Variants in PPP6R2 observed in about 807,000 individuals in gnomAD.
PPP6R2 encodes protein phosphatase 6 regulatory subunit 2.
PPP6R2 carries 62 observed loss-of-function variants against 100.2 expected under a neutral mutation model. The observed-to-expected ratio is 0.62, with a 90% CI of 0.50 to 0.76. The LOEUF (loss-of-function observed/expected upper bound fraction) is 0.76, where lower values mean the gene tolerates loss of function less well. Among genes scored for constraint, PPP6R2 ranks in the 30% least tolerant of loss-of-function variants. The probability of loss-of-function intolerance (pLI) is 0.00; values close to 1 mark genes in which losing one functional copy is unlikely to be tolerated. For missense variants in PPP6R2, 1,142 were observed against 1,276.3 expected, an observed-to-expected ratio of 0.89 and a Z score of 1.60; for synonymous variants, 525 against 514.7, an observed-to-expected ratio of 1.02 and a Z score of -0.27.
Position 50,437,918 on chromosome 22 carries a change from T to G in PPP6R2, c.1839+18T>G. On this transcript the variant is annotated intron_variant, in intron 17 of 23. Transcript: ENST00000612753. Reference sequence around the variant, plus strand: ...AGGACAGTGTGAGCAAGCCGGGCTGTGTGGGGTGCCGCCACCCTTTTCCCA... The same window carrying G: ...AGGACAGTGTGAGCAAGCCGGGCTGGGTGGGGTGCCGCCACCCTTTTCCCA... 1 of 1,560,234 alleles carries G rather than the reference T, an allele frequency of 6.4e-7. No homozygotes were observed. Among genetic ancestry groups the G allele is most frequent in the Non-Finnish European group, 8.7e-7 (1 of 1,152,380 alleles).
the PPP6R2 span, among the ~76,000 whole-genome samples, chr22:50,337,888 G>C: frequency 2.2e-5 from 3 of 136,864 alleles, no homozygotes; most frequent in African/African-American, 8.2e-5. Context: ...TGTGGTGTGT[G>C]GTGTGTGTGG....
chr22:50,378,180 C>A (rs1426923670), intron 2 of PPP6R2, among the ~76,000 whole-genome samples: 4 of 152,196 alleles, frequency 2.6e-5, no homozygotes, highest in African/African-American at 9.6e-5. Flanking sequence ...TGGCTGACTT[C>A]TTAAGTGCCA....
chr22:50,370,131 G>A (rs939181664), intron 1 of PPP6R2, among the ~76,000 whole-genome samples: 17 of 146,480 alleles, frequency 1.2e-4, no homozygotes, highest in African/African-American at 3.2e-4. Context: ...ACCTAACTTC[G>A]ACAGTGATCG....
chr22:50,425,193 T>G (rs1296489264), intron 10 of PPP6R2, among the ~76,000 whole-genome samples: 1 of 152,234 alleles, frequency 6.6e-6, no homozygotes, highest in East Asian at 1.9e-4. Flanking sequence ...CAACCACCAT[T>G]GTCTTTGTCT....
chr22:50,419,474 G>C lies in PPP6R2; in HGVS notation c.845+12G>C. 1 of 1,596,024 alleles carries C rather than the reference G, an allele frequency of 6.3e-7. No individual in the cohort carries two copies. Among genetic ancestry groups the C allele is most frequent in the Non-Finnish European group, 8.6e-7 (1 of 1,164,104 alleles). ...ACCAGGCGGGTTGGGTGAGTCTCACGAGGAGAAATCGTGTAGAGCTGAACT... is the reference window on the plus strand; with the variant it reads ...ACCAGGCGGGTTGGGTGAGTCTCACCAGGAGAAATCGTGTAGAGCTGAACT... On this transcript the variant is annotated intron_variant, in intron 8 of 23. Coordinates refer to ENST00000612753, the MANE Select transcript of PPP6R2 (RefSeq NM_001242898.2).
At chr22:50,338,960 G>A (rs1243568369), upstream of PPP6R2, among the ~76,000 whole-genome samples, 1 of 142,406 alleles carries the variant, frequency 7.0e-6, no homozygotes, top group African/African-American at 2.6e-5. Context: ...TGTGGTGGGT[G>A]TGTAGGGTGT....
chr22:50,373,560 A>AT (rs938478373), intron 2 of PPP6R2, among the ~76,000 whole-genome samples: 4 of 134,710 alleles, frequency 3.0e-5, no homozygotes, highest in East Asian at 2.3e-4. Context: ...TTTATTCTTT[A>AT]TTTTTTTTCA....
rs752922708 is a variant in PPP6R2 at position 50,443,906 on chromosome 22, C to G, written c.2620C>G (p.Pro874Ala). Reference sequence around the variant, plus strand: ...CAGCCGGCTGTTAAGCCCTGCCTGCCCCGCGCCAAAGGAAGTGACTGCTGC... The same window carrying G: ...CAGCCGGCTGTTAAGCCCTGCCTGCGCCGCGCCAAAGGAAGTGACTGCTGC... ...ADSRLLSPAC[P>A]APKEVTAAPA... is the part of the protein sequence containing the mutation. The change falls in exon 23 of 24, where the codon CCC becomes GCC. Residue 874 changes from proline to alanine, a missense_variant. Physicochemically the swap from Pro to Ala is conservative, Grantham distance 27. Around this residue, in one of 2 missense-constraint regions of PPP6R2, gnomAD observed 550 missense variants for 517.4 expected, o/e 1.06. Transcript: ENST00000612753. The G allele has an allele frequency of 1.9e-5, 30 of 1,592,382 alleles. 2 individuals are homozygous for G. The South Asian group carries it at 2.1e-4, about 11-fold the overall frequency.
intron 1 of PPP6R2, among the ~76,000 whole-genome samples, chr22:50,354,803 C>T (rs780919136): frequency 1.3e-5 from 2 of 151,596 alleles, no homozygotes; most frequent in Admixed American, 6.6e-5. Context: ...CTCTCGTACA[C>T]GTACATACAA....
Position 50,438,587 on chromosome 22 carries a change from A to C in PPP6R2, c.1965-12A>C, listed in dbSNP as rs1415033548. 6.2e-7 allele frequency: 1 copy of C among 1,613,152 alleles called. No homozygotes were observed. The highest frequency in any genetic ancestry group is 1.7e-5 in the Admixed American group (1 of 59,908). On this transcript the variant is annotated splice_polypyrimidine_tract_variant and intron_variant, in intron 18 of 23. Transcript: ENST00000612753. ...CTGGGCCACCAGACATCTGACTCTGAATCTCCCCCAGGTTTGGAGCCCCCC... is the reference window on the plus strand; with the variant it reads ...CTGGGCCACCAGACATCTGACTCTGCATCTCCCCCAGGTTTGGAGCCCCCC...
At position 50,431,136 on chromosome 22, in the gene PPP6R2, C is replaced by T. The variant is rs373943029; in HGVS notation, c.1126-37C>T. On this transcript the variant is annotated intron_variant, in intron 10 of 23. Transcript: ENST00000612753. This position sits in a 1 kb window ranked among gnomAD's most constrained non-coding sequence, Gnocchi z 4.8. ...TGTGGTGTAGCCGGCAGGAGAAAAC[C>T]GATCTAAGAACTGTCTTCTGTCCTC... 24 of 1,528,754 alleles carry T rather than the reference C, an allele frequency of 1.6e-5. No homozygotes were observed. Among genetic ancestry groups the T allele is most frequent in the African/African-American group, 4.1e-5 (3 of 73,028 alleles). The allele number at this position is 1,528,754 out of a possible 1,614,324, so 94.7% of individuals were successfully genotyped here. A position where few individuals can be genotyped will look rare whatever the true frequency, so the allele number is the denominator to read the frequency against.
intron 12 of PPP6R2, 118 bp downstream of exon 12, chr22:50,432,447 G>A: frequency 1.0e-6 from 1 of 963,412 alleles, no homozygotes; most frequent in Admixed American, 2.1e-5. Flanking sequence ...GGAGTGTAGG[G>A]TGTGCGACGT....
intron 1 of PPP6R2, among the ~76,000 whole-genome samples, chr22:50,371,574 A>C (rs1239970574): frequency 6.6e-6 from 1 of 152,200 alleles, no homozygotes; most frequent in Non-Finnish European, 1.5e-5. Context: ...TTATGAAATC[A>C]AAGACAAATT....
chr22:50,359,004 C>G (rs908205194), intron 1 of PPP6R2, among the ~76,000 whole-genome samples: 5 of 96,560 alleles, frequency 5.2e-5, no homozygotes, highest in East Asian at 7.0e-4. Context: ...CCCCCCCCCC[C>G]CCAACTCTTT....
In PPP6R2 at chr22:50,420,956, G is replaced by A. The variant is rs76659987; in HGVS notation, c.846-1298G>A. Among the ~76,000 whole-genome samples, 1,365 of 152,290 alleles carry A rather than the reference G, an allele frequency of 9.0e-3. 6 individuals carry two copies. The highest frequency in any genetic ancestry group is 0.013 in the Non-Finnish European group (899 of 68,024). On this transcript the variant is annotated intron_variant, in intron 8 of 23. Transcript: ENST00000612753. ...GTGGCCGTAGCTCCCTTATTTCCAC[G>A]TTCTGGGGAGAACATAATTCAGCCC... is the stretch of plus-strand genomic sequence containing the variant.
chr22:50,441,071 G>T, intron 22 of PPP6R2, 45 bp downstream of exon 22: 2 of 1,435,132 alleles, frequency 1.4e-6, no homozygotes, highest in Non-Finnish European at 1.9e-6. Flanking sequence ...TGCATAGGGC[G>T]TGGCTTCCAG....
intron 10 of PPP6R2, among the ~76,000 whole-genome samples, chr22:50,428,664 G>A (rs59570317): frequency 0.13 from 19,979 of 151,930 alleles, 1,595 homozygotes; most frequent in East Asian, 0.41. Flanking sequence ...CTGCAGAGCC[G>A]AGATCACGCC....
chr22:50,404,844 C>T (rs1339043268), intron 3 of PPP6R2, among the ~76,000 whole-genome samples: 1 of 152,140 alleles, frequency 6.6e-6, no homozygotes, highest in African/African-American at 2.4e-5. Flanking sequence ...GACGCTCCCA[C>T]TGGGTGGGCC....
In PPP6R2 at chr22:50,406,759, G is replaced by A. The variant is rs769883291; in HGVS notation, c.298G>A (p.Glu100Lys). ...GATCAGCGACCGCCTCGGTGGGGAC[G>A]AGAGCCTGCTGAGCCTCCTGTACGA... ...PQISDRLGGD[E>K]SLLSLLYDFL... The change falls in exon 4 of 24, where the codon GAG becomes AAG. Residue 100 changes from glutamate to lysine, a missense_variant. Physicochemically the swap from Glu to Lys is moderately conservative, Grantham distance 56. This residue lies in a region of PPP6R2 where 592 missense variants were observed against 758.9 expected (regional missense o/e 0.78). Coordinates refer to ENST00000612753, the MANE Select transcript of PPP6R2 (RefSeq NM_001242898.2). The A allele has an allele frequency of 3.1e-6, 5 of 1,614,014 alleles. No individual in the cohort carries two copies. The highest frequency in any genetic ancestry group is 1.7e-5 in the Admixed American group (1 of 60,026).
Sources: allele counts gnomAD v4.1 joint callset (sites outside exome capture counted in the v4.1 genomes callset), GRCh38; gene constraint gnomAD v4.1.1; regional missense constraint gnomAD v4.1.1; non-coding constraint Gnocchi (gnomAD v3.1); transcripts MANE v1.5; gene names NCBI Gene and HGNC (gene_info 2026-07-23, HGNC 2026-07-21).